The following SPATA17 variants were observed in gnomAD, a reference collection of about 807,000 sequenced individuals.
SPATA17 encodes the protein spermatogenesis-associated protein 17.
Under a neutral mutation model 62.2 loss-of-function variants are expected in SPATA17, and 53 were observed. That is an observed-to-expected ratio of 0.85 (90% confidence interval 0.68 to 1.07). The LOEUF is 1.07. Among genes scored for constraint, SPATA17 ranks in the 50% least tolerant of loss-of-function variants. The pLI is 0.00. For missense variants in SPATA17, 466 were observed against 425.5 expected, an observed-to-expected ratio of 1.10 and a Z score of -0.84; for synonymous variants, 146 against 146.8, an observed-to-expected ratio of 0.99 and a Z score of 0.04.
intron 5 of SPATA17, among the ~76,000 whole-genome samples, chr1:217,725,554 C>T (rs778487394): frequency 2.0e-5 from 3 of 152,192 alleles, no homozygotes; most frequent in Non-Finnish European, 4.4e-5. Flanking sequence ...CCTCTGCCTC[C>T]TGGGCTCAAG....
chr1:217,861,405 T>TA (rs1558080571), intron 9 of SPATA17, among the ~76,000 whole-genome samples: 18 of 129,086 alleles, frequency 1.4e-4, no homozygotes, highest in African/African-American at 4.9e-4. Context: ...ATATATATAT[T>TA]TATAAAAATA....
At chr1:217,735,068 G>A (rs983770014) in intron 5 of SPATA17, among the ~76,000 whole-genome samples, 8 of 152,128 alleles carry the variant, frequency 5.3e-5, no homozygotes. Context: ...AAATATACTA[G>A]TCAACTGAGA....
At position 217,812,299 on chromosome 1, in the gene SPATA17, C is replaced by T. The variant is rs141536203; in HGVS notation, c.1005+10449C>T. 7.1e-3 allele frequency among the ~76,000 whole-genome samples: 1,085 copies of T among 152,108 alleles called. 14 individuals carry two copies. Among genetic ancestry groups the T allele is most frequent in the African/African-American group, 0.025 (1,028 of 41,506 alleles). On this transcript the variant is annotated intron_variant, in intron 9 of 10. Coordinates refer to ENST00000366933, the MANE Select transcript of SPATA17 (RefSeq NM_138796.4). ...TTCATATTAAATCAATTTAATGTATCAAATATTATTTAAATTTTTGTTTTA... is the reference window on the plus strand; with the variant it reads ...TTCATATTAAATCAATTTAATGTATTAAATATTATTTAAATTTTTGTTTTA...
chr1:217,646,182 T>G (rs1211686388), intron 1 of SPATA17, among the ~76,000 whole-genome samples: 3 of 152,194 alleles, frequency 2.0e-5, no homozygotes, highest in Admixed American at 6.5e-5. Flanking sequence ...ATTTCTGTCT[T>G]GAAATTTGTG....
intron 6 of SPATA17, among the ~76,000 whole-genome samples, chr1:217,758,823 G>A (rs1673107317): frequency 6.6e-6 from 1 of 152,170 alleles, no homozygotes; most frequent in Non-Finnish European, 1.5e-5. Flanking sequence ...ATAAGAATAT[G>A]AGATAACTAA....
intron 4 of SPATA17, among the ~76,000 whole-genome samples, chr1:217,679,485 CCACT>C (rs1309848113): frequency 6.6e-6 from 1 of 152,138 alleles, no homozygotes; most frequent in African/African-American, 2.4e-5. Flanking sequence ...TCTTCTTCAC[CCACT>C]CAAATGCTGT....
chr1:217,770,114 A>G (rs1252768313), intron 6 of SPATA17, among the ~76,000 whole-genome samples: 1 of 152,208 alleles, frequency 6.6e-6, no homozygotes, highest in Non-Finnish European at 1.5e-5. Context: ...TATTAGAGAG[A>G]GATCTTTACT....
chr1:217,770,720 C>T (rs1411283669), intron 6 of SPATA17, among the ~76,000 whole-genome samples: 3 of 151,888 alleles, frequency 2.0e-5, no homozygotes, highest in East Asian at 1.9e-4. Flanking sequence ...TCAATTGTAC[C>T]GTTTTAACAC....
chr1:217,768,210 A>G (rs1188048145), intron 6 of SPATA17, among the ~76,000 whole-genome samples: 1 of 152,036 alleles, frequency 6.6e-6, no homozygotes, highest in Non-Finnish European at 1.5e-5. Flanking sequence ...GCTCCACTGC[A>G]CTCCAGCCTG....
At chr1:217,644,287 G>GATGATGCTTGATGTGCATCATCATGTGC (rs1670132793) in intron 1 of SPATA17, among the ~76,000 whole-genome samples, 2 of 152,150 alleles carry the variant, frequency 1.3e-5, no homozygotes, top group South Asian at 2.1e-4. Flanking sequence ...TCAAGCGTCT[G>GATGATGCTTGATGTGCATCATCATGTGC]TTATTAGGCA....
chr1:217,645,762 C>G (rs959333777), intron 1 of SPATA17, among the ~76,000 whole-genome samples: 2 of 152,000 alleles, frequency 1.3e-5, no homozygotes, highest in Non-Finnish European at 2.9e-5. Flanking sequence ...TGTCTTTGTT[C>G]CACTATCCCA....
At chr1:217,702,691 T>G in intron 5 of SPATA17, among the ~76,000 whole-genome samples, 1 of 152,200 alleles carries the variant, frequency 6.6e-6, no homozygotes, top group East Asian at 1.9e-4. Flanking sequence ...CACTATTTCC[T>G]AGTGGGTTCA....
At chr1:217,640,393 G>T (rs576912098) in intron 1 of SPATA17, among the ~76,000 whole-genome samples, 2 of 151,028 alleles carry the variant, frequency 1.3e-5, no homozygotes, top group Non-Finnish European at 3.0e-5. Context: ...TAACAAGTTC[G>T]CAGGATGCAA....
chr1:217,791,149 A>G (rs1420995562), intron 8 of SPATA17, among the ~76,000 whole-genome samples: 2 of 152,230 alleles, frequency 1.3e-5, no homozygotes, highest in African/African-American at 2.4e-5. Flanking sequence ...AAGTTAAAAT[A>G]CTAAATTAGC....
chr1:217,654,090 T>G (rs1670379894), intron 3 of SPATA17, among the ~76,000 whole-genome samples: 2 of 151,902 alleles, frequency 1.3e-5, no homozygotes, highest in Non-Finnish European at 2.9e-5. Context: ...CCTTTTCTTC[T>G]TTCTTTCCAA....
chr1:217,777,825 T>C (rs757225545), intron 7 of SPATA17, among the ~76,000 whole-genome samples: 6 of 152,146 alleles, frequency 3.9e-5, no homozygotes, highest in Non-Finnish European at 5.9e-5. Context: ...AGAGAGATAG[T>C]AGGAAAATTT....
At chr1:217,711,120 A>G (rs969596768) in intron 5 of SPATA17, among the ~76,000 whole-genome samples, 5 of 152,232 alleles carry the variant, frequency 3.3e-5, no homozygotes, top group Non-Finnish European at 7.3e-5. Context: ...TGCTACCATG[A>G]ACATTCATGT....
chr1:217,750,293 A>G lies in SPATA17; in HGVS notation c.519+8195A>G, dbSNP rs367856045. ...CAGCTTCTGATAAGAATGGGAAAGAAAACTACGTTCAGAGACCTGAGGCAA... is the reference window on the plus strand; with the variant it reads ...CAGCTTCTGATAAGAATGGGAAAGAGAACTACGTTCAGAGACCTGAGGCAA... On this transcript the variant is annotated intron_variant, in intron 6 of 10. Transcript: ENST00000366933. Among the ~76,000 whole-genome samples the G allele has an allele frequency of 6.1e-4, 93 of 152,132 alleles. 1 individual carries two copies. In the South Asian group the frequency reaches 0.019, roughly 31 times the overall value.
At chr1:217,680,947 G>T (rs1188626826) in intron 4 of SPATA17, among the ~76,000 whole-genome samples, 1 of 76,090 alleles carries the variant, frequency 1.3e-5, no homozygotes, top group Non-Finnish European at 3.1e-5. Context: ...AAAAAAAAAA[G>T]GCTGGGCACG....
Sources: gnomAD v4.1 joint callset for allele counts (sites outside exome capture counted in the v4.1 genomes callset) on GRCh38, gnomAD v4.1.1 for gene constraint, MANE v1.5 for transcripts, NCBI Gene and HGNC (gene_info 2026-07-23, HGNC 2026-07-21) for gene names.